FILIP1: variants seen among roughly 807,000 people sequenced by gnomAD.
FILIP1 encodes the protein filamin A interacting protein 1.
FILIP1 carries 61 observed loss-of-function variants against 102.1 expected under a neutral mutation model. The ratio of observed to expected loss-of-function variants is 0.60; its 90% CI spans 0.49 to 0.74. The LOEUF is 0.74. FILIP1 is among the 30% of genes least tolerant of loss of function. FILIP1 has a pLI of 0.00. For synonymous variants in FILIP1, 491 were observed against 526.9 expected (o/e 0.93, Z 0.93); for missense variants, 1,314 against 1,441.2 (o/e 0.91, Z 1.43).
At position 75,404,025 on chromosome 6, in the gene FILIP1, C is replaced by G. The variant is rs375006463; in HGVS notation, c.276+10672G>C. On this transcript the variant is annotated intron_variant, in intron 2 of 5. Transcript: ENST00000237172. ...TGTCCTAACTTCACCATTTCTGGAC[C>G]TCATTAATTCCAATTGCTTTCACTT... Among the ~76,000 whole-genome samples, 14 of 152,168 alleles carry G rather than the reference C, an allele frequency of 9.2e-5. No homozygotes were observed. In the East Asian group the frequency reaches 2.7e-3, roughly 29 times the overall value.
intron 4 of FILIP1, among the ~76,000 whole-genome samples, chr6:75,329,536 G>C (rs1229705129): frequency 1.3e-5 from 2 of 152,036 alleles, no homozygotes; most frequent in Non-Finnish European, 1.5e-5. Flanking sequence ...CTCTCCCCTT[G>C]GGTACGCCTC....
intron 1 of FILIP1, among the ~76,000 whole-genome samples, chr6:75,440,829 A>G (rs1412327681): frequency 1.3e-5 from 2 of 152,030 alleles, no homozygotes; most frequent in Non-Finnish European, 2.9e-5. Context: ...CATGCCTGTA[A>G]TCCCAGCTAC....
At chr6:75,487,939 G>A (rs1454569169) in intron 1 of FILIP1, among the ~76,000 whole-genome samples, 4 of 152,062 alleles carry the variant, frequency 2.6e-5, no homozygotes, top group Non-Finnish European at 5.9e-5. Context: ...GTAGGCAACA[G>A]CATTTAGGCA....
chr6:75,414,492 G>C (rs1475899146), intron 2 of FILIP1, among the ~76,000 whole-genome samples: 1 of 152,106 alleles, frequency 6.6e-6, no homozygotes, highest in East Asian at 1.9e-4. Flanking sequence ...TTTGAAGTTG[G>C]AATCAGCACT....
intron 5 of FILIP1, 77 bp downstream of exon 5, chr6:75,312,320 C>T: frequency 7.0e-7 from 1 of 1,424,854 alleles, no homozygotes; most frequent in Non-Finnish European, 9.6e-7. Context: ...CTGGGTTTTA[C>T]TGTGGGTGCT....
chr6:75,322,596 A>G (rs1182860533), intron 4 of FILIP1, among the ~76,000 whole-genome samples: 2 of 152,264 alleles, frequency 1.3e-5, no homozygotes, highest in Non-Finnish European at 2.9e-5. Context: ...TTTAGAGAAC[A>G]AAGACAAGTA....
chr6:75,400,233 A>G (rs2149670308), intron 2 of FILIP1, among the ~76,000 whole-genome samples: 1 of 152,314 alleles, frequency 6.6e-6, no homozygotes, highest in Non-Finnish European at 1.5e-5. Context: ...TGCATTTAAC[A>G]TGCAATACTT....
At chr6:75,446,523 C>T (rs1200305289) in intron 1 of FILIP1, among the ~76,000 whole-genome samples, 1 of 152,142 alleles carries the variant, frequency 6.6e-6, no homozygotes, top group Non-Finnish European at 1.5e-5. Context: ...TGTGAAAGTG[C>T]TATGCACCTC....
intron 4 of FILIP1, among the ~76,000 whole-genome samples, chr6:75,326,393 A>G (rs1773866045): frequency 1.3e-5 from 2 of 152,186 alleles, no homozygotes; most frequent in Admixed American, 6.5e-5. Context: ...CATTGAGTTC[A>G]GCGTACACTG....
At chr6:75,335,848 T>C (rs1392473009) in intron 4 of FILIP1, among the ~76,000 whole-genome samples, 1 of 152,218 alleles carries the variant, frequency 6.6e-6, no homozygotes, top group African/African-American at 2.4e-5. Flanking sequence ...AGACCATTGC[T>C]TTCTTACATC....
At chr6:75,445,388 C>T (rs1308689184) in intron 1 of FILIP1, among the ~76,000 whole-genome samples, 1 of 152,044 alleles carries the variant, frequency 6.6e-6, no homozygotes, top group East Asian at 1.9e-4. Context: ...CCTAAACACA[C>T]CACCCTTTCT....
Position 75,465,768 on chromosome 6 carries a change from AC to A in FILIP1, c.-7+27645del, listed in dbSNP as rs1212485273. Among the ~76,000 whole-genome samples, 3 of 152,204 alleles carry A rather than the reference AC, an allele frequency of 2.0e-5. No individual in the cohort carries two copies. In the East Asian group the frequency reaches 5.8e-4, roughly 29 times the overall value. The stretch of plus-strand genomic sequence containing the variant: ...CTTGAAATATATAAATTGTGCTATA[AC>A]AAAAATAAAACCAAAAAACCCAAAA... On this transcript the variant is annotated intron_variant, in intron 1 of 5. Coordinates refer to ENST00000237172, the MANE Select transcript of FILIP1 (RefSeq NM_015687.5).
chr6:75,484,616 G>A (rs534977431), intron 1 of FILIP1, among the ~76,000 whole-genome samples: 20 of 152,286 alleles, frequency 1.3e-4, no homozygotes, highest in South Asian at 1.0e-3. Flanking sequence ...CCAGGCATCT[G>A]CATTTTTAAA....
At chr6:75,456,647 C>A (rs940023818) in intron 1 of FILIP1, among the ~76,000 whole-genome samples, 3 of 151,756 alleles carry the variant, frequency 2.0e-5, no homozygotes, top group Admixed American at 1.3e-4. Flanking sequence ...GCAACCTCCC[C>A]CTCCTGGGCT....
intron 1 of FILIP1, among the ~76,000 whole-genome samples, chr6:75,472,939 C>T (rs947246646): frequency 1.2e-4 from 19 of 152,146 alleles, no homozygotes; most frequent in South Asian, 4.1e-4. Flanking sequence ...CAGCACATTT[C>T]GAAATCTCAA....
intron 1 of FILIP1, among the ~76,000 whole-genome samples, chr6:75,437,812 A>G (rs1778076722): frequency 6.6e-6 from 1 of 152,200 alleles, no homozygotes; most frequent in Non-Finnish European, 1.5e-5. Flanking sequence ...ATTCCAAAGC[A>G]ATTAGCTGGT....
At chr6:75,405,628 G>A (rs954019553) in intron 2 of FILIP1, among the ~76,000 whole-genome samples, 2 of 152,164 alleles carry the variant, frequency 1.3e-5, no homozygotes, top group African/African-American at 4.8e-5. Flanking sequence ...TAGAGCAATG[G>A]TGAGTGCACT....
chr6:75,393,444 T>C (rs1187054386), intron 2 of FILIP1, among the ~76,000 whole-genome samples: 1 of 152,150 alleles, frequency 6.6e-6, no homozygotes, highest in Non-Finnish European at 1.5e-5. Flanking sequence ...AAGCCAAGTT[T>C]TTAAAAAGTA....
chr6:75,452,626 A>T (rs1352265248), intron 1 of FILIP1, among the ~76,000 whole-genome samples: 1 of 152,232 alleles, frequency 6.6e-6, no homozygotes, highest in Non-Finnish European at 1.5e-5. Context: ...GTTATGGTTT[A>T]TTCACGTTAT....
Sources: allele counts gnomAD v4.1 joint callset (sites outside exome capture counted in the v4.1 genomes callset), GRCh38; gene constraint gnomAD v4.1.1; transcripts MANE v1.5; gene names NCBI Gene and HGNC (gene_info 2026-07-23, HGNC 2026-07-21).